The following PTPRT variants were observed in gnomAD, a reference collection of about 807,000 sequenced individuals.
PTPRT encodes the protein protein tyrosine phosphatase receptor type T.
Under a neutral mutation model 176.8 loss-of-function variants are expected in PTPRT, and 56 were observed. The observed-to-expected ratio is 0.32, with a 90% CI of 0.26 to 0.40. The LOEUF is 0.40. Among genes scored for constraint, PTPRT ranks in the 10% least tolerant of loss-of-function variants. PTPRT has a pLI of 1.00. For synonymous variants in PTPRT, 783 were observed against 739.0 expected (o/e 1.06, Z -0.96); for missense variants, 1,540 against 1,908.2 (o/e 0.81, Z 3.60).
chr20:42,279,596 G>C (rs1359618512), intron 13 of PTPRT, among the ~76,000 whole-genome samples: 1 of 152,138 alleles, frequency 6.6e-6, no homozygotes, highest in Non-Finnish European at 1.5e-5. Context: ...ACTAATAGAG[G>C]TCCATTACTT....
the PTPRT span, among the ~76,000 whole-genome samples, chr20:42,033,446 T>C: frequency 6.6e-6 from 1 of 152,170 alleles, no homozygotes; most frequent in Admixed American, 6.5e-5. Flanking sequence ...CCACCCACAG[T>C]CTCAGGATCT....
chr20:42,857,089 C>T (rs1443696091), intron 2 of PTPRT, among the ~76,000 whole-genome samples: 1 of 152,216 alleles, frequency 6.6e-6, no homozygotes, highest in Non-Finnish European at 1.5e-5. Flanking sequence ...TCCACATTAG[C>T]TGCACCATTT....
intron 15 of PTPRT, 79 bp downstream of exon 15, chr20:42,236,150 A>C: frequency 8.0e-7 from 1 of 1,251,142 alleles, no homozygotes; most frequent in Non-Finnish European, 1.1e-6. Context: ...ACTAACAGAC[A>C]CTTGGTTGGT....
intron 6 of PTPRT, among the ~76,000 whole-genome samples, chr20:42,752,589 G>A (rs1345198707): frequency 6.6e-6 from 1 of 152,192 alleles, no homozygotes; most frequent in Non-Finnish European, 1.5e-5. Context: ...AGTCCAAGAA[G>A]GAATCCAGAT....
intron 7 of PTPRT, among the ~76,000 whole-genome samples, chr20:42,486,420 G>T (rs2145353675): frequency 6.6e-6 from 1 of 152,192 alleles, no homozygotes; most frequent in South Asian, 2.1e-4. Context: ...TCAGATACTT[G>T]ATGTTTTCAC....
chr20:42,532,899 T>A (rs1861287343), intron 7 of PTPRT, among the ~76,000 whole-genome samples: 1 of 152,030 alleles, frequency 6.6e-6, no homozygotes, highest in African/African-American at 2.4e-5. Flanking sequence ...ACACCCCCAA[T>A]AAAGATGCCC....
chr20:42,670,235 C>T (rs16987210), intron 7 of PTPRT, among the ~76,000 whole-genome samples: 39,681 of 151,942 alleles, frequency 0.26, 5,520 homozygotes, highest in Non-Finnish European at 0.3. Flanking sequence ...ATTAAAGGGC[C>T]CCTAAGTTCC....
intron 8 of PTPRT, among the ~76,000 whole-genome samples, chr20:42,469,512 A>G (rs1396065705): frequency 6.6e-6 from 1 of 152,098 alleles, no homozygotes; most frequent in Non-Finnish European, 1.5e-5. Flanking sequence ...AATTAATTCC[A>G]TTTTACAGAT....
At chr20:42,992,745 G>T (rs1983990291) in intron 1 of PTPRT, among the ~76,000 whole-genome samples, 1 of 152,184 alleles carries the variant, frequency 6.6e-6, no homozygotes, top group Non-Finnish European at 1.5e-5. Context: ...GGAATCACTA[G>T]CTCAGCTGGG....
chr20:42,278,112 T>C (rs1165116384), intron 13 of PTPRT, among the ~76,000 whole-genome samples: 29 of 89,570 alleles, frequency 3.2e-4, no homozygotes, highest in African/African-American at 1.4e-3. Context: ...TATATATATA[T>C]ATATATATAT....
At chr20:42,302,794 T>C (rs530993251) in intron 12 of PTPRT, among the ~76,000 whole-genome samples, 1 of 152,234 alleles carries the variant, frequency 6.6e-6, no homozygotes, top group Non-Finnish European at 1.5e-5. Flanking sequence ...GAGGAGCTCA[T>C]GACCAATGAA....
At chr20:43,125,162 AT>A (rs11477178) in intron 1 of PTPRT, among the ~76,000 whole-genome samples, 57,448 of 145,250 alleles carry the variant, frequency 0.4, 11,742 homozygotes, top group East Asian at 0.76. Context: ...CACCTAGCTG[AT>A]TTTTTTTTTT....
At chr20:42,534,283 GCAGA>G (rs1272527159) in intron 7 of PTPRT, among the ~76,000 whole-genome samples, 8 of 152,196 alleles carry the variant, frequency 5.3e-5, no homozygotes, top group Non-Finnish European at 1.0e-4. Context: ...ACAGATACCA[GCAGA>G]CAGTGTGTGT....
chr20:43,167,993 T>C (rs1258794566), intron 1 of PTPRT, among the ~76,000 whole-genome samples: 2 of 152,180 alleles, frequency 1.3e-5, no homozygotes, highest in Admixed American at 1.3e-4. Context: ...AGACAATAAA[T>C]GTGTGTTAAG....
chr20:42,886,261 T>G (rs2079101654), intron 1 of PTPRT, among the ~76,000 whole-genome samples: 1 of 152,160 alleles, frequency 6.6e-6, no homozygotes, highest in Non-Finnish European at 1.5e-5. Context: ...GCCTCTGTAA[T>G]TGCTTTGTGC....
chr20:42,376,782 C>A (rs139042158), intron 9 of PTPRT, among the ~76,000 whole-genome samples: 1 of 151,858 alleles, frequency 6.6e-6, no homozygotes, highest in African/African-American at 2.4e-5. Context: ...CTGGGGAGTA[C>A]GAAAAAATGG....
chr20:42,553,354 T>G (rs549688864), intron 7 of PTPRT, among the ~76,000 whole-genome samples: 1 of 151,172 alleles, frequency 6.6e-6, no homozygotes, highest in Admixed American at 6.6e-5. Context: ...CCATTTTCAC[T>G]CTCTCTCATT....
chr20:43,133,760 A>AG (rs1027989747), intron 1 of PTPRT, among the ~76,000 whole-genome samples: 1 of 152,002 alleles, frequency 6.6e-6, no homozygotes, highest in African/African-American at 2.4e-5. Context: ...AAAAAAAAAA[A>AG]AAAAATAGTA....
At position 42,120,240 on chromosome 20, in the gene PTPRT, A is replaced by T. The variant is rs12624773; in HGVS notation, c.2848-269T>A. On this transcript the variant is annotated intron_variant, in intron 19 of 30. Transcript: ENST00000373187. ...CAGTGGCACTGGGAGCAAAGATTGG[A>T]TGGGCATTGCTTATCCTTATGCACC... Among the ~76,000 whole-genome samples the T allele has an allele frequency of 1.1e-4, 16 of 152,302 alleles. No individual in the cohort carries two copies. In the East Asian group the frequency reaches 2.9e-3, roughly 28 times the overall value.
Sources: allele counts gnomAD v4.1 joint callset (sites outside exome capture counted in the v4.1 genomes callset), GRCh38; gene constraint gnomAD v4.1.1; transcripts MANE v1.5; gene names NCBI Gene and HGNC (gene_info 2026-07-23, HGNC 2026-07-21).